KDR: variants seen among roughly 807,000 people sequenced by gnomAD.
The protein encoded by KDR is kinase insert domain receptor, also known as vascular endothelial growth factor receptor 2.
In KDR, 43 loss-of-function variants were observed where a neutral mutation model predicts 160.9. The observed-to-expected ratio is 0.27, with a 90% CI of 0.21 to 0.34. KDR has a LOEUF of 0.34. Among genes scored for constraint, KDR ranks in the 10% least tolerant of loss-of-function variants. The probability of loss-of-function intolerance (pLI) is 1.00; values close to 1 mark genes in which losing one functional copy is unlikely to be tolerated. For missense variants in KDR, 1,469 were observed against 1,666.4 expected, an observed-to-expected ratio of 0.88 and a Z score of 2.06; for synonymous variants, 617 against 600.1, an observed-to-expected ratio of 1.03 and a Z score of -0.41.
chr4:55,114,011 G>T, intron 6 of KDR, 115 bp downstream of exon 6: 1 of 1,012,526 alleles, frequency 9.9e-7, no homozygotes, highest in Non-Finnish European at 1.6e-6. Context: ...GTATGTGTGT[G>T]TGTTTAAGGC....
intron 13 of KDR, among the ~76,000 whole-genome samples, chr4:55,103,152 A>G (rs968117607): frequency 1.2e-4 from 19 of 152,194 alleles, no homozygotes; most frequent in African/African-American, 4.6e-4. Flanking sequence ...CACAAACAAA[A>G]CAACAATACC....
chr4:55,096,785 G>T (rs992351610), intron 18 of KDR: 1 of 264,940 alleles, frequency 3.8e-6, no homozygotes, highest in Non-Finnish European at 7.3e-6. Context: ...AATCTGTGCC[G>T]ATCTGTGCAG....
intron 10 of KDR, among the ~76,000 whole-genome samples, chr4:55,107,343 T>C (rs924557403): frequency 6.6e-6 from 1 of 152,062 alleles, no homozygotes; most frequent in Non-Finnish European, 1.5e-5. Flanking sequence ...TGGGGCTGGG[T>C]CTATCACTGC....
chr4:55,108,547 G>A (rs903858478), intron 9 of KDR, among the ~76,000 whole-genome samples: 1 of 152,190 alleles, frequency 6.6e-6, no homozygotes, highest in Non-Finnish European at 1.5e-5. Context: ...AGGTCACTCA[G>A]TTAACGAACG....
chr4:55,108,664 A>T (rs937478214), intron 9 of KDR, among the ~76,000 whole-genome samples: 4 of 150,692 alleles, frequency 2.7e-5, no homozygotes, highest in Admixed American at 1.3e-4. Flanking sequence ...TCCTGCCACC[A>T]TCATCTGAGT....
chr4:55,125,396 C>A lies in KDR; in HGVS notation c.-103G>T. Reference sequence around the variant, plus strand: ...CGCGGAGGTGGAACTCGCGGCACCCCGCAGCGCAGGACAGTTGAGCGCACA... The same window carrying A: ...CGCGGAGGTGGAACTCGCGGCACCCAGCAGCGCAGGACAGTTGAGCGCACA... On this transcript the variant is annotated 5_prime_UTR_variant, in exon 1 of 30. Coordinates refer to ENST00000263923, the MANE Select transcript of KDR (RefSeq NM_002253.4). The A allele has an allele frequency of 1.4e-6, 2 of 1,409,348 alleles. No individual in the cohort carries two copies. Among genetic ancestry groups the A allele is most frequent in the South Asian group, 1.2e-5 (1 of 81,422 alleles). The allele number at this position is 1,409,348 out of a possible 1,614,324, so 87.3% of individuals were successfully genotyped here.
At chr4:55,108,080 G>T in intron 9 of KDR, among the ~76,000 whole-genome samples, 187 bp from the exon 10 acceptor site, 1 of 151,826 alleles carries the variant, frequency 6.6e-6, no homozygotes, top group East Asian at 1.9e-4. Flanking sequence ...ATAACAACTA[G>T]CCAGGCATGG....
intron 5 of KDR, among the ~76,000 whole-genome samples, chr4:55,114,628 C>T (rs976654928): frequency 2.6e-5 from 4 of 152,122 alleles, no homozygotes; most frequent in Admixed American, 6.6e-5. Context: ...AAAATGTGCT[C>T]GAGTAATACC....
Position 55,089,363 on chromosome 4 carries a change from T to G in KDR, c.3404+11A>C. 1.3e-6 allele frequency: 2 copies of G among 1,576,258 alleles called. No individual in the cohort carries two copies. Among genetic ancestry groups the G allele is most frequent in the Non-Finnish European group, 1.7e-6 (2 of 1,146,722 alleles). ...AGAAAGAGAACACAGGAATACTTCTTAAAGTCTTACATTTCTGGTGTAGTA... is the reference window on the plus strand; with the variant it reads ...AGAAAGAGAACACAGGAATACTTCTGAAAGTCTTACATTTCTGGTGTAGTA... On this transcript the variant is annotated intron_variant, in intron 25 of 29. Coordinates refer to ENST00000263923, the MANE Select transcript of KDR (RefSeq NM_002253.4).
At chr4:55,082,074 T>C in intron 28 of KDR, 33 bp from the exon 29 acceptor site, 2 of 1,407,670 alleles carry the variant, frequency 1.4e-6, no homozygotes, top group Admixed American at 3.3e-5. Context: ...GCACAGTTAA[T>C]TGAGCATATA....
rs1560522492 is a variant in KDR, at chr4:55,113,414, A to G, written c.866T>C (p.Leu289Ser). 2.5e-6 allele frequency: 4 copies of G among 1,614,002 alleles called. No individual in the cohort carries two copies. The highest frequency in any genetic ancestry group is 3.4e-6 in the Non-Finnish European group (4 of 1,179,926). Residue 289 changes from leucine to serine, a missense_variant, in exon 7 of 30, where the codon TTG (leucine) becomes TCG (serine). Transcript: ENST00000263923. ...TQSGSEMKKF[L>S]STLTIDGVTR... is the part of the protein sequence containing the mutation. ...TACACCATCTATAGTTAAGGTGCTC[A>G]AAAATTTCTTCATCTCACTCCCAGA...
At chr4:55,088,142 C>A (rs1396462956) in intron 26 of KDR, among the ~76,000 whole-genome samples, 1 of 152,122 alleles carries the variant, frequency 6.6e-6, no homozygotes, top group Non-Finnish European at 1.5e-5. Flanking sequence ...GTTTTAGCCA[C>A]CACATTTCAA....
At chr4:55,122,388 T>G (rs1392561524) in intron 1 of KDR, among the ~76,000 whole-genome samples, 2 of 152,150 alleles carry the variant, frequency 1.3e-5, no homozygotes, top group Non-Finnish European at 2.9e-5. Context: ...GCTTTCTAAG[T>G]CATATCAACT....
At chr4:55,114,547 G>A (rs984324710) in intron 5 of KDR, among the ~76,000 whole-genome samples, 1 of 152,214 alleles carries the variant, frequency 6.6e-6, no homozygotes, top group Non-Finnish European at 1.5e-5. Flanking sequence ...GCAAATTGCT[G>A]AAGTTTCCAT....
intron 9 of KDR, among the ~76,000 whole-genome samples, chr4:55,109,457 A>G (rs1720521051): frequency 6.6e-6 from 1 of 152,186 alleles, no homozygotes; most frequent in Non-Finnish European, 1.5e-5. Context: ...CAGGACACGT[A>G]GGGAAGCACC....
chr4:55,116,289 G>C (rs1024254577), intron 3 of KDR, among the ~76,000 whole-genome samples: 43 of 151,948 alleles, frequency 2.8e-4, no homozygotes, highest in Middle Eastern at 3.4e-3. Context: ...ATGATGGCAC[G>C]CACCTGTAGT....
intron 13 of KDR, among the ~76,000 whole-genome samples, chr4:55,103,146 A>G (rs568554081): frequency 2.6e-5 from 4 of 152,336 alleles, no homozygotes; most frequent in South Asian, 2.1e-4. Flanking sequence ...CTAAAACACA[A>G]ACAAAACAAC....
chr4:55,120,849 T>TGA (rs1248453679), intron 2 of KDR, among the ~76,000 whole-genome samples: 1 of 21,768 alleles, frequency 4.6e-5, no homozygotes, highest in Non-Finnish European at 1.0e-4. Context: ...TGTATTTGTG[T>TGA]GCGTGTGTGT....
chr4:55,116,861 C>A (rs982403430), intron 3 of KDR, among the ~76,000 whole-genome samples: 2 of 152,198 alleles, frequency 1.3e-5, no homozygotes, highest in Admixed American at 6.5e-5. Flanking sequence ...ACATTAAACA[C>A]CTATCCATAG....
Sources: allele counts gnomAD v4.1 joint callset (sites outside exome capture counted in the v4.1 genomes callset), GRCh38; gene constraint gnomAD v4.1.1; transcripts MANE v1.5; gene names NCBI Gene and HGNC (gene_info 2026-07-23, HGNC 2026-07-21).